Variants in MSRB3 observed in about 807,000 individuals in gnomAD.
MSRB3 encodes methionine sulfoxide reductase B3.
A neutral mutation model predicts 21.0 loss-of-function variants in MSRB3; 13 were observed. That is an observed-to-expected ratio of 0.62 (90% CI 0.40 to 0.98). MSRB3 has a LOEUF of 0.98. MSRB3 is among the 50% of genes least tolerant of loss of function. The probability of loss-of-function intolerance (pLI) is 0.00; values close to 1 mark genes in which losing one functional copy is unlikely to be tolerated. For missense variants in MSRB3, 199 were observed against 230.3 expected (o/e 0.86, Z 0.88); for synonymous variants, 87 against 88.6 (o/e 0.98, Z 0.10).
intron 4 of MSRB3, 29 bp downstream of exon 4, chr12:65,328,632 G>A: frequency 6.9e-7 from 1 of 1,456,420 alleles, no homozygotes; most frequent in Non-Finnish European, 9.6e-7. Context: ...TATAGGTATG[G>A]CTGTATCATA....
rs972224605 is a variant in MSRB3, at chr12:65,463,140, G to T, written c.391-15G>T. 11 of 1,613,892 alleles carry T rather than the reference G, an allele frequency of 6.8e-6. No homozygotes were observed. The highest frequency in any genetic ancestry group is 7.6e-6 in the Non-Finnish European group (9 of 1,179,992). ...TGTACATGCTTTTCCCTGACGTTTTGTTCTTCTCTTTCAGTGTGGTGCTCA... is the reference window on the plus strand; with the variant it reads ...TGTACATGCTTTTCCCTGACGTTTTTTTCTTCTCTTTCAGTGTGGTGCTCA... On this transcript the variant is annotated splice_polypyrimidine_tract_variant and intron_variant, in intron 6 of 6. Coordinates refer to ENST00000308259, the MANE Select transcript of MSRB3 (RefSeq NM_001031679.3).
intron 4 of MSRB3, among the ~76,000 whole-genome samples, chr12:65,347,924 A>C (rs887207219): frequency 6.6e-6 from 1 of 152,190 alleles, no homozygotes; most frequent in East Asian, 1.9e-4. Flanking sequence ...CTTGTATCTC[A>C]GGGATGAAGC....
chr12:65,281,775 T>C (rs1872035641), intron 1 of MSRB3: 1 of 152,242 alleles, frequency 6.6e-6, no homozygotes, highest in Non-Finnish European at 1.5e-5. Flanking sequence ...TTGGGAAGGC[T>C]AGTTATCTGT....
intron 2 of MSRB3, among the ~76,000 whole-genome samples, chr12:65,314,648 G>T (rs1874181757): frequency 6.6e-6 from 1 of 151,978 alleles, no homozygotes; most frequent in African/African-American, 2.4e-5. Context: ...TTTGTTAAGT[G>T]TGGATTCTCT....
chr12:65,441,855 T>C (rs1023560645), intron 5 of MSRB3, among the ~76,000 whole-genome samples: 2 of 152,050 alleles, frequency 1.3e-5, no homozygotes, highest in African/African-American at 4.8e-5. Flanking sequence ...TGTACAGTAT[T>C]TGCTAAATTG....
At position 65,413,556 on chromosome 12, in the gene MSRB3, A is replaced by T. The variant is rs528773133; in HGVS notation, c.293-40172A>T. On this transcript the variant is annotated intron_variant, in intron 5 of 6. Transcript: ENST00000308259. ...GCTCCATGAACTCTAGTCTTTCTTC[A>T]TAGATTAATTTCATCCCTCATTCAG... Among the ~76,000 whole-genome samples, 40 of 137,528 alleles carry T rather than the reference A, an allele frequency of 2.9e-4. No individual in the cohort carries two copies. In the South Asian group the frequency reaches 8.8e-3, roughly 30 times the overall value. The allele number at this position is 137,528 out of a possible 152,430, so 90.2% of individuals were successfully genotyped here. A position where few individuals can be genotyped will look rare whatever the true frequency, so the allele number is the denominator to read the frequency against.
chr12:65,320,269 T>G (rs1359564806), intron 2 of MSRB3, among the ~76,000 whole-genome samples: 1 of 152,152 alleles, frequency 6.6e-6, no homozygotes, highest in Non-Finnish European at 1.5e-5. Flanking sequence ...TTTTTCTGAG[T>G]CCTAGAACTC....
intron 5 of MSRB3, among the ~76,000 whole-genome samples, chr12:65,388,989 G>GAGCT (rs1327711977): frequency 2.0e-5 from 3 of 152,198 alleles, no homozygotes; most frequent in Non-Finnish European, 2.9e-5. Context: ...ATTAATCCAT[G>GAGCT]AGCTCTTAAG....
At chr12:65,364,867 A>G (rs1309591691) in intron 4 of MSRB3, among the ~76,000 whole-genome samples, 1 of 152,154 alleles carries the variant, frequency 6.6e-6, no homozygotes, top group Non-Finnish European at 1.5e-5. Context: ...TTCTATTATC[A>G]TGTTTTAATT....
At chr12:65,299,470 G>A (rs1032354860) in intron 1 of MSRB3, among the ~76,000 whole-genome samples, 4 of 152,208 alleles carry the variant, frequency 2.6e-5, no homozygotes, top group Admixed American at 2.0e-4. Flanking sequence ...TTTCTCAGGA[G>A]GGAAGAGGAA....
At chr12:65,417,369 T>A (rs1881035189) in intron 5 of MSRB3, among the ~76,000 whole-genome samples, 1 of 152,210 alleles carries the variant, frequency 6.6e-6, no homozygotes, top group East Asian at 1.9e-4. Context: ...TTTCCTTTTT[T>A]AACTGACAAG....
chr12:65,456,976 T>G (rs1182641180), intron 6 of MSRB3, among the ~76,000 whole-genome samples: 1 of 152,160 alleles, frequency 6.6e-6, no homozygotes, highest in Non-Finnish European at 1.5e-5. Flanking sequence ...ATTTTCCTTT[T>G]GTTTTATAAT....
intron 4 of MSRB3, among the ~76,000 whole-genome samples, chr12:65,347,423 G>A (rs557049712): frequency 6.6e-6 from 1 of 152,230 alleles, no homozygotes; most frequent in East Asian, 1.9e-4. Flanking sequence ...TTTGATTTTT[G>A]CACACTGATT....
intron 5 of MSRB3, among the ~76,000 whole-genome samples, chr12:65,373,776 A>G (rs1592576311): frequency 6.6e-6 from 1 of 152,322 alleles, no homozygotes; most frequent in South Asian, 2.1e-4. Flanking sequence ...CCTAAAAGAC[A>G]TGATTATAAA....
chr12:65,419,484 C>G lies in MSRB3; in HGVS notation c.293-34244C>G. ...CCTTGCAGAGCCCATAGATGTCGCTCTCCACAGACTGGCGCATGGCCAGCT... is the reference window on the plus strand; with the variant it reads ...CCTTGCAGAGCCCATAGATGTCGCTGTCCACAGACTGGCGCATGGCCAGCT... On this transcript the variant is annotated intron_variant, in intron 5 of 6. Coordinates refer to ENST00000308259, the MANE Select transcript of MSRB3 (RefSeq NM_001031679.3). 3 of 741,522 alleles carry G rather than the reference C, an allele frequency of 4.0e-6. No individual in the cohort carries two copies. In the South Asian group the frequency reaches 4.2e-5, roughly 10 times the overall value. 45.9% of individuals were successfully genotyped at this position (741,522 alleles called of 1,614,324 possible).
intron 4 of MSRB3, among the ~76,000 whole-genome samples, chr12:65,347,988 A>G (rs1041429570): frequency 1.3e-5 from 2 of 152,158 alleles, no homozygotes; most frequent in Non-Finnish European, 2.9e-5. Flanking sequence ...TCGATTTGCC[A>G]GTATTTTACT....
At chr12:65,424,954 A>G (rs1881500366) in intron 5 of MSRB3, among the ~76,000 whole-genome samples, 1 of 31,184 alleles carries the variant, frequency 3.2e-5, no homozygotes, top group Non-Finnish European at 9.3e-5. Context: ...CTCTCCCTTC[A>G]TTTGTATCAA....
chr12:65,386,079 T>G (rs2136567598), intron 5 of MSRB3, among the ~76,000 whole-genome samples: 1 of 152,086 alleles, frequency 6.6e-6, no homozygotes, highest in East Asian at 1.9e-4. Flanking sequence ...AAGAATTCCA[T>G]TAAGCATTAC....
At chr12:65,416,453 C>T (rs1025780602) in intron 5 of MSRB3, among the ~76,000 whole-genome samples, 4 of 152,168 alleles carry the variant, frequency 2.6e-5, no homozygotes, top group South Asian at 2.1e-4. Flanking sequence ...GAAGAAGTCT[C>T]TCATTAGGTG....
Sources: gnomAD v4.1 joint callset for allele counts (sites outside exome capture counted in the v4.1 genomes callset) on GRCh38, gnomAD v4.1.1 for gene constraint, MANE v1.5 for transcripts, NCBI Gene and HGNC (gene_info 2026-07-23, HGNC 2026-07-21) for gene names.